Variants in ADGRL3 observed in about 807,000 individuals in gnomAD.
ADGRL3 encodes the protein calcium-independent alpha-latrotoxin receptor 3.
Under a neutral mutation model 153.5 loss-of-function variants are expected in ADGRL3, and 62 were observed. The observed-to-expected ratio is 0.40, with a 90% CI of 0.33 to 0.50. The LOEUF (loss-of-function observed/expected upper bound fraction) is 0.50. Ranked by LOEUF, ADGRL3 falls within the 20% of genes least tolerant of loss-of-function variation. The pLI is 0.47. For synonymous variants in ADGRL3, 710 were observed against 672.5 expected (o/e 1.06, Z -0.86); for missense variants, 1,641 against 1,859.4 (o/e 0.88, Z 2.16).
At chr4:61,641,125 C>A (rs1361628896) in intron 5 of ADGRL3, among the ~76,000 whole-genome samples, 1 of 151,948 alleles carries the variant, frequency 6.6e-6, no homozygotes, top group Non-Finnish European at 1.5e-5. Context: ...CCTTATTTCA[C>A]CTATTTTTTT....
chr4:61,451,557 A>G (rs2097674002), intron 2 of ADGRL3, among the ~76,000 whole-genome samples: 2 of 152,324 alleles, frequency 1.3e-5, no homozygotes, highest in African/African-American at 2.4e-5. Flanking sequence ...AGCAGTCAAC[A>G]TACAAGGCAA....
intron 5 of ADGRL3, among the ~76,000 whole-genome samples, chr4:61,592,478 C>T (rs2098973706): frequency 6.6e-6 from 1 of 152,032 alleles, no homozygotes; most frequent in Non-Finnish European, 1.5e-5. Context: ...GGCATAGAAC[C>T]TATAATATAT....
chr4:61,368,178 T>G (rs1359050117), intron 1 of ADGRL3, among the ~76,000 whole-genome samples: 1 of 151,984 alleles, frequency 6.6e-6, no homozygotes, highest in East Asian at 1.9e-4. Flanking sequence ...TTTCTCCCAT[T>G]TTGTAAGTTG....
intron 4 of ADGRL3, among the ~76,000 whole-genome samples, chr4:61,540,045 A>T (rs2148612931): frequency 6.6e-6 from 1 of 152,250 alleles, no homozygotes; most frequent in South Asian, 2.1e-4. Flanking sequence ...AGAAAAAAAT[A>T]ATGCCAGGTA....
chr4:62,070,883 C>G lies in ADGRL3; in HGVS notation c.4607C>G (p.Pro1536Arg). The G allele has an allele frequency of 1.9e-6, 3 of 1,550,232 alleles. No homozygotes were observed. Among genetic ancestry groups the G allele is most frequent in the Admixed American group, 2.0e-5 (1 of 50,872 alleles). ...GTPPEGSSKG[P>R]AHLVTSL is the part of the protein sequence containing the mutation. The stretch of plus-strand genomic sequence containing the variant: ...CCTCCCGAGGGAAGTTCAAAAGGAC[C>G]GGCTCATTTGGTCACTAGTCTATAG... The change falls in exon 27 of 27, where the codon CCG becomes CGG. Residue 1536 changes from proline (P) to arginine (R), a missense_variant. By Grantham distance (103) the Pro-to-Arg change is moderately radical. Transcript: ENST00000683033.
intron 11 of ADGRL3, among the ~76,000 whole-genome samples, chr4:61,896,546 T>C (rs1299905973): frequency 6.6e-6 from 1 of 152,188 alleles, no homozygotes; most frequent in South Asian, 2.1e-4. Flanking sequence ...ATGGCCTTAC[T>C]AAAAGCCTGC....
chr4:61,214,606 G>A (rs1272456988), intron 1 of ADGRL3, among the ~76,000 whole-genome samples: 1 of 152,124 alleles, frequency 6.6e-6, no homozygotes, highest in Non-Finnish European at 1.5e-5. Context: ...GTTTTGCTAG[G>A]TGTAACCTCA....
At chr4:61,228,494 G>T (rs1314309851) in intron 1 of ADGRL3, among the ~76,000 whole-genome samples, 2 of 152,020 alleles carry the variant, frequency 1.3e-5, no homozygotes, top group Non-Finnish European at 1.5e-5. Flanking sequence ...GTCATCAATC[G>T]CAATAACCAC....
rs527387880 is a variant in ADGRL3 at position 61,748,328 on chromosome 4, T to C, written c.1399+14774T>C. Among the ~76,000 whole-genome samples the C allele has an allele frequency of 1.2e-3, 182 of 152,212 alleles. 3 individuals are homozygous for C. The highest frequency in any genetic ancestry group is 4.0e-3 in the African/African-American group (168 of 41,518). On this transcript the variant is annotated intron_variant, in intron 8 of 26. Transcript: ENST00000683033. ...AATGCTATCCCCATCAAGCTACCAATGACTTTCTCCACAGAACTGGAAAAA... is the reference window on the plus strand; with the variant it reads ...AATGCTATCCCCATCAAGCTACCAACGACTTTCTCCACAGAACTGGAAAAA...
chr4:62,050,433 G>A (rs1733476942), intron 25 of ADGRL3, among the ~76,000 whole-genome samples: 1 of 152,154 alleles, frequency 6.6e-6, no homozygotes, highest in Non-Finnish European at 1.5e-5. Flanking sequence ...ATGTAGTGGA[G>A]CAGGGATGTG....
chr4:61,746,941 CA>C (rs2096670884), intron 8 of ADGRL3, among the ~76,000 whole-genome samples: 1 of 151,920 alleles, frequency 6.6e-6, no homozygotes, highest in Non-Finnish European at 1.5e-5. Context: ...AAAGGATCAA[CA>C]AAATTGATAG....
At chr4:61,531,353 G>T (rs552887965) in intron 4 of ADGRL3, among the ~76,000 whole-genome samples, 1 of 152,220 alleles carries the variant, frequency 6.6e-6, no homozygotes, top group Admixed American at 6.5e-5. Flanking sequence ...CATTTCAGTT[G>T]TTTGCTTCTG....
intron 1 of ADGRL3, among the ~76,000 whole-genome samples, chr4:61,369,441 G>A (rs963319673): frequency 6.6e-6 from 1 of 152,038 alleles, no homozygotes; most frequent in Admixed American, 6.6e-5. Context: ...TAGCATGAAG[G>A]GTTGTTGAAT....
Position 61,946,952 on chromosome 4 carries a change from G to T in ADGRL3, c.2458G>T (p.Gly820Cys). 1.2e-6 allele frequency: 2 copies of T among 1,613,694 alleles called. No individual in the cohort carries two copies. Among genetic ancestry groups the T allele is most frequent in the Non-Finnish European group, 1.7e-6 (2 of 1,179,786 alleles). Residue 820 changes from glycine to cysteine, a missense_variant, in exon 16 of 27, where the codon GGT becomes TGT. Gly to Cys is a radical substitution (Grantham distance 159, BLOSUM62 -3). Around this residue, in one of 5 missense-constraint regions of ADGRL3, gnomAD observed 734 missense variants for 797.0 expected, o/e 0.92. Transcript: ENST00000683033. ...GGCCTTTGTCCTGTATAACAACTTG[G>T]GTCCTTATTTATCCACGGAGAATGC... ...RVAFVLYNNLGPYLSTENASM... is the reference protein window; with the variant it reads ...RVAFVLYNNLCPYLSTENASM...
intron 17 of ADGRL3, among the ~76,000 whole-genome samples, chr4:61,960,379 A>C (rs906706568): frequency 1.3e-5 from 2 of 152,126 alleles, no homozygotes; most frequent in African/African-American, 4.8e-5. Context: ...ATGTTTGAGG[A>C]GCTGCAAGGA....
chr4:61,570,962 C>T (rs937895500), intron 4 of ADGRL3, among the ~76,000 whole-genome samples: 10 of 151,628 alleles, frequency 6.6e-5, no homozygotes, highest in African/African-American at 1.9e-4. Flanking sequence ...TGGAAATAAC[C>T]GAGGCTGGAG....
chr4:61,985,761 T>A (rs1443205763), intron 19 of ADGRL3, among the ~76,000 whole-genome samples: 1 of 152,152 alleles, frequency 6.6e-6, no homozygotes, highest in Non-Finnish European at 1.5e-5. Flanking sequence ...GAGTCCTTTG[T>A]CTTGAGTATA....
At chr4:61,776,259 G>C (rs966935089) in intron 8 of ADGRL3, among the ~76,000 whole-genome samples, 4 of 152,154 alleles carry the variant, frequency 2.6e-5, no homozygotes, top group Non-Finnish European at 5.9e-5. Context: ...GCGGCAGCAG[G>C]GAAAGAGGCC....
intron 5 of ADGRL3, among the ~76,000 whole-genome samples, chr4:61,654,343 G>A (rs925581688): frequency 6.6e-6 from 1 of 151,860 alleles, no homozygotes; most frequent in Non-Finnish European, 1.5e-5. Flanking sequence ...ATTTGGATAT[G>A]CGTACAAATA....
Sources: allele counts gnomAD v4.1 joint callset (sites outside exome capture counted in the v4.1 genomes callset), GRCh38; gene constraint gnomAD v4.1.1; regional missense constraint gnomAD v4.1.1; transcripts MANE v1.5; gene names NCBI Gene and HGNC (gene_info 2026-07-23, HGNC 2026-07-21).